Variants in ERBB3 observed in about 807,000 individuals in gnomAD.
ERBB3 encodes the protein erb-b2 receptor tyrosine kinase 3, also known as receptor tyrosine-protein kinase erbB-3.
ERBB3 carries 96 observed loss-of-function variants against 156.7 expected under a neutral mutation model. That is an observed-to-expected ratio of 0.61 (90% CI 0.52 to 0.73). ERBB3 has a LOEUF of 0.73. Among genes scored for constraint, ERBB3 ranks in the 30% least tolerant of loss-of-function variants. ERBB3 has a pLI of 0.00. For synonymous variants in ERBB3, 567 were observed against 632.0 expected (o/e 0.90, Z 1.54); for missense variants, 1,406 against 1,709.4 (o/e 0.82, Z 3.13).
chr12:56,082,514 G>A (rs1868365053), intron 1 of ERBB3, among the ~76,000 whole-genome samples: 1 of 152,044 alleles, frequency 6.6e-6, no homozygotes, highest in Non-Finnish European at 1.5e-5. Context: ...GTCAGACTAG[G>A]GGTGTATGTT....
At chr12:56,084,241 G>A (rs1868402308) in intron 2 of ERBB3, among the ~76,000 whole-genome samples, 1 of 152,148 alleles carries the variant, frequency 6.6e-6, no homozygotes, top group Non-Finnish European at 1.5e-5. Context: ...ACTTTGAGGA[G>A]AAAGCTGCCT....
At chr12:56,089,751 A>AAAAG (rs1565858024) in intron 9 of ERBB3, among the ~76,000 whole-genome samples, 3 of 151,808 alleles carry the variant, frequency 2.0e-5, no homozygotes, top group Admixed American at 6.6e-5. Context: ...CTCAAAAAAA[A>AAAAG]AAAAGAAAAG....
intron 20 of ERBB3, 81 bp downstream of exon 20, chr12:56,097,311 C>T: frequency 8.4e-6 from 12 of 1,422,450 alleles, no homozygotes; most frequent in Non-Finnish European, 1.2e-5. Context: ...GGTTGAAGTT[C>T]TGAGAGGTGA....
chr12:56,095,882 G>A, intron 17 of ERBB3, 76 bp downstream of exon 17: 1 of 1,536,480 alleles, frequency 6.5e-7, no homozygotes, highest in Non-Finnish European at 9.0e-7. Flanking sequence ...GCTTAATTTT[G>A]AGTGGTACCC....
Position 56,102,928 on chromosome 12 carries a change from T to A in ERBB3, c.*873T>A, listed in dbSNP as rs1258957668. The A allele has an allele frequency of 4.7e-6, 1 of 213,050 alleles. No homozygotes were observed. The highest frequency in any genetic ancestry group is 9.1e-6 in the Non-Finnish European group (1 of 109,816). The allele number at this position is 213,050 out of a possible 1,614,324, so 13.2% of individuals were successfully genotyped here. ...GATCACTTGAGCCCAGAATTAGAGA[T>A]AAGCCTATGGAAACATAGCAAGACA... On this transcript the variant is annotated 3_prime_UTR_variant, in exon 28 of 28. Transcript: ENST00000267101.
In ERBB3 at chr12:56,088,015, T is replaced by C. The variant is rs1249986136; in HGVS notation, c.733-6T>C. ...CATAAATCTGATGAGCCTCCTTTTT[T>C]CCCAGGCCTGCCGGCACTTCAATGA... On this transcript the variant is annotated splice_region_variant and splice_polypyrimidine_tract_variant and intron_variant, in intron 6 of 27. Coordinates refer to ENST00000267101, the MANE Select transcript of ERBB3 (RefSeq NM_001982.4). 2.5e-6 allele frequency: 4 copies of C among 1,614,028 alleles called. No individual in the cohort carries two copies. Among genetic ancestry groups the C allele is most frequent in the Non-Finnish European group, 2.5e-6 (3 of 1,180,032 alleles).
chr12:56,098,992 T>C (rs2136823588), intron 23 of ERBB3, 87 bp downstream of exon 23: 1 of 1,318,542 alleles, frequency 7.6e-7, no homozygotes, highest in South Asian at 1.3e-5. Context: ...CTCACAATTG[T>C]CACCCAGGCT....
At position 56,099,830 on chromosome 12, in the gene ERBB3, C is replaced by T. The variant is rs928414748; in HGVS notation, c.2938-8C>T. 6.2e-7 allele frequency: 1 copy of T among 1,613,606 alleles called. No homozygotes were observed. Among genetic ancestry groups the T allele is most frequent in the Admixed American group, 1.7e-5 (1 of 59,986 alleles). On this transcript the variant is annotated splice_polypyrimidine_tract_variant and splice_region_variant and intron_variant, in intron 24 of 27. Coordinates refer to ENST00000267101, the MANE Select transcript of ERBB3 (RefSeq NM_001982.4). ...AGGATTCCCCCTAACAATCACCTATCGATATAGAGAGAGAGTGGGCCTGGA... is the reference window on the plus strand; with the variant it reads ...AGGATTCCCCCTAACAATCACCTATTGATATAGAGAGAGAGTGGGCCTGGA...
intron 3 of ERBB3, chr12:56,085,736 C>G: frequency 7.1e-6 from 1 of 139,994 alleles, no homozygotes; most frequent in Non-Finnish European, 1.5e-5. Flanking sequence ...TGCACTCTAG[C>G]GTAAGTGACA....
At position 56,088,815 on chromosome 12, in the gene ERBB3, G is replaced by A. The variant is rs1868572087; in HGVS notation, c.1056G>A (p.Val352=). 6.2e-7 allele frequency: 1 copy of A among 1,614,114 alleles called. No individual in the cohort carries two copies. Among genetic ancestry groups the A allele is most frequent in the Non-Finnish European group, 8.5e-7 (1 of 1,180,028 alleles). The change falls in exon 9 of 28, where the codon GTG becomes GTA. Residue 352 remains valine, a synonymous_variant. Transcript: ENST00000267101. ...TVDSSNIDGF[V]NCTKILGNLD... ...ACTCGAGCAACATTGATGGATTTGT[G>A]AACTGCACCAAGATCCTGGGCAACC...
rs1327945610 is a variant in ERBB3, at chr12:56,083,890, C to T, written c.222C>T (p.Leu74=). 1 of 1,614,072 alleles carries T rather than the reference C, an allele frequency of 6.2e-7. No homozygotes were observed. The highest frequency in any genetic ancestry group is 1.7e-5 in the Admixed American group (1 of 60,008). ...EIVLTGHNAD[L]SFLQWIREVT... is the part of the protein sequence containing the mutation. ...TGCTCACGGGACACAATGCCGACCT[C>T]TCCTTCCTGCAGGTTAGTGAGCCCA... is the stretch of plus-strand genomic sequence containing the variant. Residue 74 remains leucine, a synonymous_variant, in exon 2 of 28, where the codon CTC becomes CTT. Transcript: ENST00000267101.
chr12:56,084,906 A>G, intron 2 of ERBB3, 89 bp from the exon 3 acceptor site: 2 of 1,597,518 alleles, frequency 1.3e-6, no homozygotes, highest in Non-Finnish European at 8.5e-7. Flanking sequence ...TAAAACAGTT[A>G]AAGAGTCTTT....
chr12:56,098,736 T>G, intron 22 of ERBB3, 23 bp from the exon 23 acceptor site: 1 of 1,614,008 alleles, frequency 6.2e-7, no homozygotes, highest in Non-Finnish European at 8.5e-7. Flanking sequence ...TGCCAGTGAC[T>G]AGTCCATGTC....
At chr12:56,084,929 A>T in intron 2 of ERBB3, 66 bp from the exon 3 acceptor site, 4 of 1,610,740 alleles carry the variant, frequency 2.5e-6, no homozygotes, top group Non-Finnish European at 3.4e-6. Context: ...TGCCTGAAGG[A>T]GGAGAGGAGA....
chr12:56,080,253 G>A lies in ERBB3; in HGVS notation c.-48G>A. Reference sequence around the variant, plus strand: ...TCTTGCCTCGATGTCCTAGCCTAGGGGCCCCCGGGCCGGACTTGGCTGGGC... The same window carrying A: ...TCTTGCCTCGATGTCCTAGCCTAGGAGCCCCCGGGCCGGACTTGGCTGGGC... On this transcript the variant is annotated 5_prime_UTR_variant, in exon 1 of 28. Transcript: ENST00000267101. 1 of 1,477,520 alleles carries A rather than the reference G, an allele frequency of 6.8e-7. No individual in the cohort carries two copies. The highest frequency in any genetic ancestry group is 9.2e-7 in the Non-Finnish European group (1 of 1,082,242). 91.5% of individuals were successfully genotyped at this position (1,477,520 alleles called of 1,614,324 possible). A position where few individuals can be genotyped will look rare whatever the true frequency, so the allele number is the denominator to read the frequency against.
Position 56,101,635 on chromosome 12 carries a change from G to A in ERBB3, c.3609G>A (p.Arg1203=), listed in dbSNP as rs770761268. Residue 1203 remains arginine, a synonymous_variant, in exon 28 of 28, where the codon AGG becomes AGA. Coordinates refer to ENST00000267101, the MANE Select transcript of ERBB3 (RefSeq NM_001982.4). ...AGGAGTATGAATACATGAACCGGAGGAGAAGGCACAGTCCACCTCATCCCC... is the reference window on the plus strand; with the variant it reads ...AGGAGTATGAATACATGAACCGGAGAAGAAGGCACAGTCCACCTCATCCCC... ...EDEEYEYMNR[R]RRHSPPHPPR... is the part of the protein sequence containing the mutation. The A allele has an allele frequency of 6.2e-7, 1 of 1,614,000 alleles. No homozygotes were observed.
In ERBB3 at chr12:56,096,735, C is replaced by T. The variant is rs1291718892; in HGVS notation, c.2176-13C>T. Reference sequence around the variant, plus strand: ...GAATGACCTTATGCCAACTCCTGCCCCAAACTTCCCAGGGAGTGTGGATCC... The same window carrying T: ...GAATGACCTTATGCCAACTCCTGCCTCAAACTTCCCAGGGAGTGTGGATCC... On this transcript the variant is annotated splice_polypyrimidine_tract_variant and intron_variant, in intron 18 of 27. Coordinates refer to ENST00000267101, the MANE Select transcript of ERBB3 (RefSeq NM_001982.4). 1 of 1,613,434 alleles carries T rather than the reference C, an allele frequency of 6.2e-7. No homozygotes were observed. The highest frequency in any genetic ancestry group is 8.5e-7 in the Non-Finnish European group (1 of 1,179,416).
At position 56,094,165 on chromosome 12, in the gene ERBB3, G is replaced by T; in HGVS notation, c.1680G>T (p.Glu560Asp). 6.2e-7 allele frequency: 1 copy of T among 1,614,044 alleles called. No homozygotes were observed. Residue 560 changes from glutamate (E) to aspartate (D), a missense_variant, in exon 14 of 28, where the codon GAG becomes GAT. Transcript: ENST00000267101. ...FSCHPECQPM[E>D]GTATCNGSGS... The stretch of plus-strand genomic sequence containing the variant: ...GCCACCCGGAATGCCAACCCATGGA[G>T]GGCACTGCCACATGCAATGGCTCGG...
intron 3 of ERBB3, among the ~76,000 whole-genome samples, chr12:56,086,031 T>A (rs1331185184): frequency 2.4e-5 from 3 of 126,304 alleles, no homozygotes; most frequent in Non-Finnish European, 4.7e-5. Flanking sequence ...ATTGCACCAC[T>A]GCACTCCAGC....
Sources: allele counts gnomAD v4.1 joint callset (sites outside exome capture counted in the v4.1 genomes callset), GRCh38; gene constraint gnomAD v4.1.1; transcripts MANE v1.5; gene names NCBI Gene and HGNC (gene_info 2026-07-23, HGNC 2026-07-21).